STARD7: variants seen among roughly 807,000 people sequenced by gnomAD.
The protein encoded by STARD7 is stAR-related lipid transfer protein 7, mitochondrial.
STARD7 carries 30 observed loss-of-function variants against 45.3 expected under a neutral mutation model. That is an observed-to-expected ratio of 0.66 (90% confidence interval 0.50 to 0.90). The LOEUF is 0.90. STARD7 is among the 40% of genes least tolerant of loss of function. The pLI is 0.00. For missense variants in STARD7, 495 were observed against 491.3 expected, an observed-to-expected ratio of 1.01 and a Z score of -0.07; for synonymous variants, 199 against 183.0, an observed-to-expected ratio of 1.09 and a Z score of -0.70.
rs1308454357 is a variant in STARD7, at chr2:96,208,384, C to T, written c.51G>A (p.Gly17=). 2 of 1,487,026 alleles carry T rather than the reference C, an allele frequency of 1.3e-6. No individual in the cohort carries two copies. Among genetic ancestry groups the T allele is most frequent in the Admixed American group, 4.9e-5 (2 of 40,822 alleles). 92.1% of individuals were successfully genotyped at this position (1,487,026 alleles called of 1,614,324 possible). A position where few individuals can be genotyped will look rare whatever the true frequency, so the allele number is the denominator to read the frequency against. Residue 17 remains glycine, a synonymous_variant, in exon 1 of 8, where the codon GGG becomes GGA. Coordinates refer to ENST00000337288, the MANE Select transcript of STARD7 (RefSeq NM_020151.4). ...LAAWLAGTRG[G]GLLALLANQC... ...GATTGGCCAGAAGCGCCAGCAGGCCCCCGCCCCGCGTCCCCGCCAGCCAGG... is the reference window on the plus strand; with the variant it reads ...GATTGGCCAGAAGCGCCAGCAGGCCTCCGCCCCGCGTCCCCGCCAGCCAGG...
In STARD7 at chr2:96,186,447, G is replaced by C. The variant is rs541658760; in HGVS notation, c.*283C>G. On this transcript the variant is annotated 3_prime_UTR_variant, in exon 8 of 8. Coordinates refer to ENST00000337288, the MANE Select transcript of STARD7 (RefSeq NM_020151.4). ...AGCAAATGGAGGTCATCCCCTTCTG[G>C]CCTGAGGTGAGAGGTTTGTTCCAGA... 1 of 278,316 alleles carries C rather than the reference G, an allele frequency of 3.6e-6. No homozygotes were observed. Among genetic ancestry groups the C allele is most frequent in the South Asian group, 1.3e-4 (1 of 7,708 alleles). 17.2% of individuals were successfully genotyped at this position (278,316 alleles called of 1,614,324 possible).
chr2:96,190,247 A>C (rs1389592537), intron 6 of STARD7, among the ~76,000 whole-genome samples: 1 of 152,192 alleles, frequency 6.6e-6, no homozygotes, highest in Non-Finnish European at 1.5e-5. Context: ...TTGAGCCAAC[A>C]AGAAGACTCC....
At chr2:96,187,443 A>G (rs1683054468) in intron 6 of STARD7, 142 bp from the exon 7 acceptor site, 3 of 605,346 alleles carry the variant, frequency 5.0e-6, no homozygotes, top group Non-Finnish European at 8.8e-6. Context: ...AAGAGTTAAC[A>G]CTGAAGGCCT....
At chr2:96,197,090 A>AAACTAAACTAAACTAAACAAC (rs1213410041) in intron 1 of STARD7, among the ~76,000 whole-genome samples, 1 of 138,214 alleles carries the variant, frequency 7.2e-6, no homozygotes, top group Admixed American at 7.4e-5. Context: ...ATAAAATAAA[A>AAACTAAACTAAACTAAACAAC]TAAAATAAAA....
intron 6 of STARD7, 198 bp from the exon 7 acceptor site, chr2:96,187,499 T>G: frequency 3.9e-6 from 2 of 512,252 alleles, no homozygotes; most frequent in South Asian, 4.6e-5. Context: ...TGTTGACCCT[T>G]GGCCAACTTC....
Position 96,187,285 on chromosome 2 carries a change from A to G in STARD7, c.860T>C (p.Leu287Ser), listed in dbSNP as rs369139098. 1 of 1,613,364 alleles carries G rather than the reference A, an allele frequency of 6.2e-7. No individual in the cohort carries two copies. The highest frequency in any genetic ancestry group is 8.5e-7 in the Non-Finnish European group (1 of 1,179,394). ...KSFDENGFDY[L>S]LTYSDNPQTV... ...TTGGGGATTGTCACTGTATGTTAGTAAGTAGTCAAAGCCATTCTGGAAAAG... is the reference window on the plus strand; with the variant it reads ...TTGGGGATTGTCACTGTATGTTAGTGAGTAGTCAAAGCCATTCTGGAAAAG... The change falls in exon 7 of 8, where the codon TTA becomes TCA. Residue 287 changes from leucine to serine, a missense_variant. Leu to Ser is a moderately radical substitution (Grantham distance 145, BLOSUM62 -2). Coordinates refer to ENST00000337288, the MANE Select transcript of STARD7 (RefSeq NM_020151.4).
intron 1 of STARD7, among the ~76,000 whole-genome samples, chr2:96,197,331 G>A (rs1573944012): frequency 6.6e-6 from 1 of 151,898 alleles, no homozygotes; most frequent in East Asian, 1.9e-4. Flanking sequence ...CTTGAACCCA[G>A]GAGGCTGAGG....
chr2:96,203,824 G>A (rs1244760095), intron 1 of STARD7, among the ~76,000 whole-genome samples: 4 of 152,054 alleles, frequency 2.6e-5, no homozygotes, highest in African/African-American at 9.7e-5. Context: ...AAATTAGGTG[G>A]GCGTGGTGGG....
chr2:96,206,770 C>T (rs1011321386), intron 1 of STARD7, among the ~76,000 whole-genome samples: 1 of 130,388 alleles, frequency 7.7e-6, no homozygotes, highest in Non-Finnish European at 1.5e-5. Flanking sequence ...CACTGCACTC[C>T]AGCCTGGGCG....
At chr2:96,205,185 G>A (rs1384153489) in intron 1 of STARD7, among the ~76,000 whole-genome samples, 2 of 152,176 alleles carry the variant, frequency 1.3e-5, no homozygotes, top group Non-Finnish European at 2.9e-5. Context: ...AGTATTAAAA[G>A]ATCTGATTTC....
At chr2:96,200,777 A>C (rs1683292775) in intron 1 of STARD7, among the ~76,000 whole-genome samples, 1 of 152,130 alleles carries the variant, frequency 6.6e-6, no homozygotes, top group African/African-American at 2.4e-5. Context: ...CAGCCTCCCA[A>C]GTAGCTGGCA....
At chr2:96,187,383 A>C in intron 6 of STARD7, 82 bp from the exon 7 acceptor site, 1 of 878,296 alleles carries the variant, frequency 1.1e-6, no homozygotes, top group Non-Finnish European at 1.9e-6. Flanking sequence ...AATAACTATG[A>C]TCTGATTCTG....
chr2:96,208,017 G>A, intron 1 of STARD7, 128 bp downstream of exon 1: 2 of 825,284 alleles, frequency 2.4e-6, no homozygotes, highest in Non-Finnish European at 3.7e-6. Flanking sequence ...TGCTGAAGCA[G>A]GTTCAATCGA....
rs539093666 is a variant in STARD7, at chr2:96,197,074, A to ATAAC, written c.291-1526_291-1525insGTTA. ...AGAGCGAAACTCCGTCTCAAAATAA[A>ATAAC]ATAAAATAAAATAAAATAAAATAAA... On this transcript the variant is annotated intron_variant, in intron 1 of 7. Transcript: ENST00000337288. Among the ~76,000 whole-genome samples the ATAAC allele has an allele frequency of 9.6e-3, 1,236 of 128,176 alleles. 41 individuals carry two copies. Among genetic ancestry groups the ATAAC allele is most frequent in the South Asian group, 0.013 (52 of 3,856 alleles). The allele number at this position is 128,176 out of a possible 152,430, so 84.1% of individuals were successfully genotyped here.
chr2:96,206,326 T>C (rs1683388428), intron 1 of STARD7, among the ~76,000 whole-genome samples: 2 of 152,096 alleles, frequency 1.3e-5, no homozygotes, highest in Admixed American at 6.5e-5. Flanking sequence ...CCCAACACTA[T>C]TCAACTCCCA....
chr2:96,203,653 G>A (rs1683341651), intron 1 of STARD7, among the ~76,000 whole-genome samples: 1 of 152,126 alleles, frequency 6.6e-6, no homozygotes, highest in Non-Finnish European at 1.5e-5. Flanking sequence ...TACTGATACG[G>A]GACACACCTA....
chr2:96,187,505 A>G, intron 6 of STARD7: 1 of 499,762 alleles, frequency 2.0e-6, no homozygotes, highest in Non-Finnish European at 3.6e-6. Context: ...CCCTTGGCCA[A>G]CTTCGCTCCC....
At chr2:96,196,621 C>A (rs555945222) in intron 1 of STARD7, among the ~76,000 whole-genome samples, 2 of 152,252 alleles carry the variant, frequency 1.3e-5, no homozygotes, top group African/African-American at 4.8e-5. Context: ...GCTATCATGC[C>A]CGGCTGATTT....
At chr2:96,196,125 A>C (rs1443629664) in intron 1 of STARD7, among the ~76,000 whole-genome samples, 7 of 150,134 alleles carry the variant, frequency 4.7e-5, no homozygotes, top group South Asian at 2.1e-4. Flanking sequence ...AAAAAAAAAA[A>C]AAAACAAAAA....
Sources: gnomAD v4.1 joint callset for allele counts (sites outside exome capture counted in the v4.1 genomes callset) on GRCh38, gnomAD v4.1.1 for gene constraint, MANE v1.5 for transcripts, NCBI Gene and HGNC (gene_info 2026-07-23, HGNC 2026-07-21) for gene names.